GSE1: variants seen among roughly 807,000 people sequenced by gnomAD.
The protein encoded by GSE1 is Gse1 coiled-coil protein.
A neutral mutation model predicts 112.6 loss-of-function variants in GSE1; 32 were observed. That is an observed-to-expected ratio of 0.28 (90% confidence interval 0.21 to 0.38). The LOEUF is 0.38. GSE1 is among the 10% of genes least tolerant of loss of function. The probability of loss-of-function intolerance (pLI) is 1.00; values close to 1 mark genes in which losing one functional copy is unlikely to be tolerated. For missense variants in GSE1, 2,348 were observed against 1,699.2 expected (o/e 1.38, Z -6.71); for synonymous variants, 1,115 against 735.6 (o/e 1.52, Z -8.35).
At chr16:85,424,578 T>A (rs1219692714) in intron 2 of GSE1, among the ~76,000 whole-genome samples, 1 of 152,236 alleles carries the variant, frequency 6.6e-6, no homozygotes, top group Non-Finnish European at 1.5e-5. Flanking sequence ...GCCTCCGCCC[T>A]CTTCCTTCTC....
rs544481621 is a variant in GSE1, at chr16:85,597,396, A to G, written c.37+41033A>G. ...CTCAAAAAAAAAAAAAAAAAAAAAA[A>G]AAGAAGAAGAAAGTTCTGTCAGAGA... is the stretch of plus-strand genomic sequence containing the variant. On this transcript the variant is annotated intron_variant, in intron 1 of 2. Coordinates refer to the GSE1 transcript ENST00000635906. Among the ~76,000 whole-genome samples, 531 of 149,824 alleles carry G rather than the reference A, an allele frequency of 3.5e-3. 2 individuals carry two copies. The highest frequency in any genetic ancestry group is 0.013 in the South Asian group (60 of 4,730).
upstream of GSE1, among the ~76,000 whole-genome samples, chr16:85,553,937 G>T (rs1238349138): frequency 6.6e-6 from 1 of 152,168 alleles, no homozygotes; most frequent in Non-Finnish European, 1.5e-5. Context: ...GAGAGCGTTG[G>T]CAGGAACCCA....
At chr16:85,352,697 A>G (rs1202899149) in intron 1 of GSE1, among the ~76,000 whole-genome samples, 2 of 152,190 alleles carry the variant, frequency 1.3e-5, no homozygotes, top group African/African-American at 4.8e-5. Flanking sequence ...TTTTGTCTCC[A>G]CCTTCAAGAT....
At chr16:85,223,820 G>T (rs1314199216) in intron 1 of GSE1, among the ~76,000 whole-genome samples, 1 of 151,946 alleles carries the variant, frequency 6.6e-6, no homozygotes, top group Non-Finnish European at 1.5e-5. Context: ...GGCCAGGCTG[G>T]TCTCAAACTC....
upstream of GSE1, among the ~76,000 whole-genome samples, chr16:85,609,916 C>A (rs185732367): frequency 5.9e-5 from 9 of 152,296 alleles, no homozygotes; most frequent in South Asian, 1.0e-3. Flanking sequence ...CTTGGCCCCC[C>A]CAAAGTGCTG....
intron 2 of GSE1, among the ~76,000 whole-genome samples, chr16:85,485,653 G>A (rs1597913861): frequency 6.6e-6 from 1 of 152,250 alleles, no homozygotes; most frequent in East Asian, 1.9e-4. Flanking sequence ...AAAGCCGTGC[G>A]CAGCCCGCCG....
chr16:85,238,391 C>T (rs180849221), intron 1 of GSE1, among the ~76,000 whole-genome samples: 2 of 152,354 alleles, frequency 1.3e-5, no homozygotes, highest in African/African-American at 2.4e-5. Flanking sequence ...CATCCTCTGC[C>T]CCCCGCACCC....
intron 2 of GSE1, among the ~76,000 whole-genome samples, chr16:85,545,514 C>T (rs1266494000): frequency 6.6e-6 from 1 of 152,140 alleles, no homozygotes; most frequent in South Asian, 2.1e-4. Flanking sequence ...AAATACAGGG[C>T]CTGGCTTCCG....
In GSE1 at chr16:85,407,935, C is replaced by A. The variant is rs1159752234; in HGVS notation, c.2464+50292C>A. Among the ~76,000 whole-genome samples the A allele has an allele frequency of 1.0e-4, 6 of 58,154 alleles. 1 individual carries two copies. Among genetic ancestry groups the A allele is most frequent in the Non-Finnish European group, 3.7e-5 (1 of 26,730 alleles). The allele number at this position is 58,154 out of a possible 152,430, so 38.2% of individuals were successfully genotyped here. On this transcript the variant is annotated intron_variant, in intron 2 of 2. Coordinates refer to the GSE1 transcript ENST00000637419. ...AATCCTCACCGTTACTCTCAGGCCC[C>A]CCTGGATAATCCTCACCGTTACACT... is the stretch of plus-strand genomic sequence containing the variant.
intron 2 of GSE1, among the ~76,000 whole-genome samples, chr16:85,642,879 G>GGGCCTGTGGCTTTGGGGCCTGACCAC (rs2050557944): frequency 6.6e-6 from 1 of 152,172 alleles, no homozygotes; most frequent in Non-Finnish European, 1.5e-5. Context: ...GGCCTGGTCA[G>GGGCCTGTGGCTTTGGGGCCTGACCAC]GGCCTGTGGC....
intron 1 of GSE1, among the ~76,000 whole-genome samples, chr16:85,328,052 C>G (rs1454233437): frequency 6.6e-6 from 1 of 152,248 alleles, no homozygotes. Context: ...GTCACTCAGC[C>G]TTTTGGCCTC....
rs113508853 is a variant in GSE1, at chr16:85,646,083, T to C, written c.227-2469T>C. ...TTCCTATGCATGCATTCTACCTGCTTCTACCACGCTTCCTATGCATGCATT... is the reference window on the plus strand; with the variant it reads ...TTCCTATGCATGCATTCTACCTGCTCCTACCACGCTTCCTATGCATGCATT... On this transcript the variant is annotated intron_variant, in intron 2 of 15. Transcript: ENST00000253458. 5.7e-3 allele frequency among the ~76,000 whole-genome samples: 692 copies of C among 122,418 alleles called. 2 individuals are homozygous for C. The highest frequency in any genetic ancestry group is 0.026 in the African/African-American group (643 of 24,274). The allele number at this position is 122,418 out of a possible 152,430, so 80.3% of individuals were successfully genotyped here.
intron 1 of GSE1, among the ~76,000 whole-genome samples, chr16:85,622,897 A>G (rs1451657677): frequency 6.6e-6 from 1 of 152,136 alleles, no homozygotes; most frequent in Non-Finnish European, 1.5e-5. Context: ...CAGGGCTGTT[A>G]GTTGCTCAGA....
chr16:85,663,697 C>A, intron 11 of GSE1, 83 bp downstream of exon 11: 1 of 1,371,850 alleles, frequency 7.3e-7, no homozygotes, highest in Non-Finnish European at 1.0e-6. Context: ...CCGGTGGACT[C>A]CAGGCAGGAT....
At chr16:85,447,047 A>G (rs2049535388) in intron 2 of GSE1, among the ~76,000 whole-genome samples, 1 of 152,124 alleles carries the variant, frequency 6.6e-6, no homozygotes, top group African/African-American at 2.4e-5. Flanking sequence ...GAGCCAGGAC[A>G]CAAAGCAGCC....
At chr16:85,317,841 G>A (rs2151493521) in intron 1 of GSE1, among the ~76,000 whole-genome samples, 1 of 152,324 alleles carries the variant, frequency 6.6e-6, no homozygotes, top group Non-Finnish European at 1.5e-5. Context: ...TCCGCTTCTG[G>A]GAGAGCCCAG....
At chr16:85,553,492 C>A (rs1239152734), upstream of GSE1, among the ~76,000 whole-genome samples, 1 of 151,710 alleles carries the variant, frequency 6.6e-6, no homozygotes, top group Non-Finnish European at 1.5e-5. Context: ...GCAGCTCTGG[C>A]GCCCTCCCCT....
chr16:85,548,304 AATAGATTATTATAAACTATAGTCACCCT>A (rs1218896961), intron 2 of GSE1, among the ~76,000 whole-genome samples: 7 of 151,902 alleles, frequency 4.6e-5, no homozygotes, highest in Admixed American at 3.3e-4. Context: ...TGAAGTGTAC[AATAGATTATTATAAACTATAGTCACCCT>A]ACTGATCTAT....
At chr16:85,459,512 G>C (rs2049918013) in intron 2 of GSE1, among the ~76,000 whole-genome samples, 1 of 152,242 alleles carries the variant, frequency 6.6e-6, no homozygotes, top group Non-Finnish European at 1.5e-5. Context: ...CCCATTGGCT[G>C]TTAGGGGCTT....
Sources: allele counts gnomAD v4.1 joint callset (sites outside exome capture counted in the v4.1 genomes callset), GRCh38; gene constraint gnomAD v4.1.1; transcripts MANE v1.5; gene names NCBI Gene and HGNC (gene_info 2026-07-23, HGNC 2026-07-21).